The following ZFHX3 variants were observed in gnomAD, a reference collection of about 807,000 sequenced individuals.
The protein encoded by ZFHX3 is zinc finger homeobox 3.
Under a neutral mutation model 279.1 loss-of-function variants are expected in ZFHX3, and 42 were observed. The ratio of observed to expected loss-of-function variants is 0.15; its 90% CI spans 0.12 to 0.19. The LOEUF is 0.19. ZFHX3 is among the 10% of genes least tolerant of loss of function. The pLI is 1.00. For missense variants in ZFHX3, 4,981 were observed against 4,754.0 expected (o/e 1.05, Z -1.40); for synonymous variants, 2,293 against 1,957.8 (o/e 1.17, Z -4.52).
intron 1 of ZFHX3, among the ~76,000 whole-genome samples, chr16:72,971,949 G>T (rs1187143369): frequency 7.0e-6 from 1 of 142,328 alleles, no homozygotes; most frequent in Non-Finnish European, 1.5e-5. Flanking sequence ...ACAATGGGGC[G>T]ATCTCAGCTC....
intron 4 of ZFHX3, among the ~76,000 whole-genome samples, chr16:73,288,073 C>A (rs1226029075): frequency 6.6e-6 from 1 of 151,968 alleles, no homozygotes; most frequent in Admixed American, 6.6e-5. Context: ...ATGCTCTGAC[C>A]CTGCACATTT....
intron 1 of ZFHX3, among the ~76,000 whole-genome samples, chr16:72,972,790 TC>T (rs1380788011): frequency 6.6e-6 from 1 of 152,082 alleles, no homozygotes; most frequent in Non-Finnish European, 1.5e-5. Flanking sequence ...CCACTTCACT[TC>T]TGACATATTC....
chr16:73,800,401 G>A (rs969938892), intron 1 of ZFHX3, among the ~76,000 whole-genome samples: 2 of 152,080 alleles, frequency 1.3e-5, no homozygotes, highest in Non-Finnish European at 2.9e-5. Flanking sequence ...ATTTTTAGTA[G>A]AGACGGGGTT....
At chr16:73,670,923 C>G (rs866112727) in intron 2 of ZFHX3, among the ~76,000 whole-genome samples, 16 of 152,304 alleles carry the variant, frequency 1.1e-4, no homozygotes, top group Admixed American at 6.5e-4. Flanking sequence ...ACCCGATGTG[C>G]ACAAACATTC....
Position 72,933,064 on chromosome 16 carries a change from T to A in ZFHX3, c.3216+17405A>T, listed in dbSNP as rs138084670. ...CGCATGGACATCCTATCTTAAATTT[T>A]TCTAGTCTGCAGCACCCACTGAGCC... On this transcript the variant is annotated intron_variant, in intron 3 of 9. Coordinates refer to ENST00000268489, the MANE Select transcript of ZFHX3 (RefSeq NM_006885.4). Among the ~76,000 whole-genome samples, 1,031 of 152,256 alleles carry A rather than the reference T, an allele frequency of 6.8e-3. 10 individuals carry two copies. Among genetic ancestry groups the A allele is most frequent in the Middle Eastern group, 0.024 (7 of 294 alleles).
intron 3 of ZFHX3, among the ~76,000 whole-genome samples, chr16:72,926,644 C>A (rs575935882): frequency 1.5e-4 from 23 of 152,236 alleles, no homozygotes; most frequent in African/African-American, 4.8e-4. Context: ...GAGATAGGTC[C>A]CGACCACCCA....
At chr16:72,805,102 C>T (rs1341669476) in intron 7 of ZFHX3, among the ~76,000 whole-genome samples, 1 of 152,018 alleles carries the variant, frequency 6.6e-6, no homozygotes, top group South Asian at 2.1e-4. Flanking sequence ...CTCAGCCTCC[C>T]GAGTAGCTGG....
chr16:72,960,096 C>A lies in ZFHX3; in HGVS notation c.50G>T (p.Gly17Val), dbSNP rs1297046272. 6.2e-7 allele frequency: 1 copy of A among 1,608,256 alleles called. No individual in the cohort carries two copies. The highest frequency in any genetic ancestry group is 1.1e-5 in the South Asian group (1 of 89,958). Residue 17 changes from glycine (G) to valine (V), a missense_variant, in exon 2 of 10, where the codon GGT becomes GTT. Gly to Val is a moderately radical substitution (Grantham distance 109). Coordinates refer to ENST00000268489, the MANE Select transcript of ZFHX3 (RefSeq NM_006885.4). ...AGTCCATTGCTGGTGCTGAGGGATA[C>A]CGCACCCATTGTCCTTCCCCGAGAC... ...PVVSGKDNGC[G>V]IPQHQQWTEL...
intron 2 of ZFHX3, among the ~76,000 whole-genome samples, chr16:73,522,017 G>C (rs1372197899): frequency 6.6e-6 from 1 of 152,162 alleles, no homozygotes; most frequent in Non-Finnish European, 1.5e-5. Context: ...GGCAGCCTTG[G>C]TTATCTAATG....
At chr16:73,748,883 G>A (rs2053729660) in intron 1 of ZFHX3, among the ~76,000 whole-genome samples, 1 of 152,100 alleles carries the variant, frequency 6.6e-6, no homozygotes, top group Admixed American at 6.5e-5. Flanking sequence ...CGCCTCCTGG[G>A]TTCAAGTGAT....
intron 2 of ZFHX3, among the ~76,000 whole-genome samples, chr16:73,526,900 C>G (rs2019705191): frequency 6.6e-6 from 1 of 151,620 alleles, no homozygotes; most frequent in Non-Finnish European, 1.5e-5. Flanking sequence ...TTCGGTACCT[C>G]TTTGATTACA....
chr16:73,097,350 G>A (rs556749944), intron 7 of ZFHX3, among the ~76,000 whole-genome samples: 32 of 150,136 alleles, frequency 2.1e-4, no homozygotes, highest in Admixed American at 1.5e-3. Context: ...ATACAGGCAT[G>A]AGCTGCTGAG....
At chr16:73,577,336 C>T (rs1434625413) in intron 2 of ZFHX3, among the ~76,000 whole-genome samples, 1 of 152,094 alleles carries the variant, frequency 6.6e-6, no homozygotes, top group Non-Finnish European at 1.5e-5. Flanking sequence ...TTTAAAATGG[C>T]ACACGGTCCT....
At chr16:73,739,832 A>G (rs2053639425) in intron 1 of ZFHX3, among the ~76,000 whole-genome samples, 1 of 152,186 alleles carries the variant, frequency 6.6e-6, no homozygotes, top group African/African-American at 2.4e-5. Context: ...CCTTAAGGAC[A>G]TTTAGAAAAT....
chr16:73,776,644 G>C (rs1032180357), intron 1 of ZFHX3, among the ~76,000 whole-genome samples: 2 of 152,154 alleles, frequency 1.3e-5, no homozygotes, highest in Non-Finnish European at 2.9e-5. Flanking sequence ...CTCACACTAA[G>C]ACCAGGGGGA....
At chr16:73,762,735 C>T (rs955138819) in intron 1 of ZFHX3, among the ~76,000 whole-genome samples, 3 of 152,120 alleles carry the variant, frequency 2.0e-5, no homozygotes, top group Non-Finnish European at 4.4e-5. Flanking sequence ...AACAGAAAAC[C>T]AAATACCACA....
At chr16:73,046,231 A>G (rs572203281) in intron 1 of ZFHX3, among the ~76,000 whole-genome samples, 5 of 152,276 alleles carry the variant, frequency 3.3e-5, no homozygotes, top group African/African-American at 1.2e-4. Context: ...AAACCCTTCA[A>G]TTATTTGGAA....
chr16:73,027,603 A>G (rs1964558742), intron 1 of ZFHX3, among the ~76,000 whole-genome samples: 1 of 152,212 alleles, frequency 6.6e-6, no homozygotes, highest in African/African-American at 2.4e-5. Context: ...CGAAAGCAGC[A>G]TGTGAAGAGT....
intron 4 of ZFHX3, among the ~76,000 whole-genome samples, chr16:72,838,412 G>C (rs577331026): frequency 2.0e-5 from 3 of 152,162 alleles, no homozygotes; most frequent in Non-Finnish European, 4.4e-5. Context: ...ATGCAAGCCT[G>C]GGGGAGCCTC....
Sources: gnomAD v4.1 joint callset for allele counts (sites outside exome capture counted in the v4.1 genomes callset) on GRCh38, gnomAD v4.1.1 for gene constraint, MANE v1.5 for transcripts, NCBI Gene and HGNC (gene_info 2026-07-23, HGNC 2026-07-21) for gene names.